ATRNL1: variants seen among roughly 807,000 people sequenced by gnomAD.
ATRNL1 encodes attractin like 1, also known as attractin-like protein 1.
ATRNL1 carries 95 observed loss-of-function variants against 182.7 expected under a neutral mutation model. The ratio of observed to expected loss-of-function variants is 0.52; its 90% CI spans 0.44 to 0.62. The LOEUF (loss-of-function observed/expected upper bound fraction) is 0.62, where lower values mean the gene tolerates loss of function less well. ATRNL1 is among the 20% of genes least tolerant of loss of function. ATRNL1 has a pLI of 0.00. For missense variants in ATRNL1, 1,471 were observed against 1,679.5 expected, an observed-to-expected ratio of 0.88 and a Z score of 2.17; for synonymous variants, 576 against 568.3, an observed-to-expected ratio of 1.01 and a Z score of -0.19.
At chr10:115,186,215 C>G (rs1170523241) in intron 8 of ATRNL1, among the ~76,000 whole-genome samples, 2 of 152,022 alleles carry the variant, frequency 1.3e-5, no homozygotes, top group Non-Finnish European at 2.9e-5. Flanking sequence ...ATGAGAAACA[C>G]TGGCGAGGAT....
Position 115,758,561 on chromosome 10 carries a change from C to T in ATRNL1, c.3903+31206C>T, listed in dbSNP as rs1163264527. ...GAGCTCTCCTGTATGAGGTGTCTGT[C>T]GGCTCCTACTGGGAGGTGTCTCCCA... On this transcript the variant is annotated intron_variant, in intron 27 of 28. Transcript: ENST00000355044. Among the ~76,000 whole-genome samples, 9 of 152,326 alleles carry T rather than the reference C, an allele frequency of 5.9e-5. No homozygotes were observed. In the South Asian group the frequency reaches 1.4e-3, roughly 25 times the overall value.
intron 17 of ATRNL1, among the ~76,000 whole-genome samples, chr10:115,312,824 T>G (rs1232355835): frequency 6.6e-6 from 1 of 152,084 alleles, no homozygotes; most frequent in Non-Finnish European, 1.5e-5. Context: ...TTTCTTTATT[T>G]TTGTTTGATT....
intron 15 of ATRNL1, 66 bp from the exon 16 acceptor site, chr10:115,299,968 G>A (rs80310937): frequency 1.0e-4 from 120 of 1,168,210 alleles, no homozygotes; most frequent in Non-Finnish European, 1.3e-4. Flanking sequence ...TGAACTATTT[G>A]CTAAGGAATA....
intron 10 of ATRNL1, among the ~76,000 whole-genome samples, chr10:115,262,162 A>G (rs574694865): frequency 6.7e-6 from 1 of 150,184 alleles, no homozygotes; most frequent in Non-Finnish European, 1.5e-5. Context: ...TTGGGAAGAT[A>G]GGGGGCAGTG....
At chr10:115,097,838 C>T (rs574084298) in intron 1 of ATRNL1, among the ~76,000 whole-genome samples, 17 of 152,214 alleles carry the variant, frequency 1.1e-4, no homozygotes, top group African/African-American at 3.9e-4. Context: ...GCAGGAGAAT[C>T]GCTTGAACCC....
chr10:115,840,499 A>G (rs548717562), intron 27 of ATRNL1, among the ~76,000 whole-genome samples: 1 of 152,244 alleles, frequency 6.6e-6, no homozygotes, highest in South Asian at 2.1e-4. Context: ...TTTAATCATT[A>G]TAATAACACT....
chr10:115,494,657 T>C (rs1404835880), intron 24 of ATRNL1, among the ~76,000 whole-genome samples: 1 of 152,256 alleles, frequency 6.6e-6, no homozygotes, highest in Non-Finnish European at 1.5e-5. Context: ...GATCTAGGTA[T>C]GTTGAACCAA....
chr10:115,815,415 ATGTGTGTGTG>A (rs367551845), intron 27 of ATRNL1, among the ~76,000 whole-genome samples: 65 of 143,040 alleles, frequency 4.5e-4, no homozygotes, highest in African/African-American at 1.2e-3. Context: ...GTGTGTGTGT[ATGTGTGTGTG>A]TGTGTGTGTG....
At chr10:115,459,068 G>A (rs2134518520) in intron 21 of ATRNL1, among the ~76,000 whole-genome samples, 1 of 152,184 alleles carries the variant, frequency 6.6e-6, no homozygotes, top group South Asian at 2.1e-4. Flanking sequence ...AGATTTCATG[G>A]ACACTTATCA....
chr10:115,136,345 C>T (rs1592150270), intron 5 of ATRNL1, among the ~76,000 whole-genome samples: 1 of 152,242 alleles, frequency 6.6e-6, no homozygotes, highest in African/African-American at 2.4e-5. Context: ...AGAGAATTCC[C>T]ATTTACCTCC....
intron 26 of ATRNL1, among the ~76,000 whole-genome samples, chr10:115,635,504 A>G (rs1480515936): frequency 1.3e-5 from 2 of 152,184 alleles, no homozygotes; most frequent in Non-Finnish European, 2.9e-5. Context: ...AAAGATGTGT[A>G]GCAGTTGAAC....
intron 27 of ATRNL1, among the ~76,000 whole-genome samples, chr10:115,843,297 G>A (rs1181281351): frequency 2.6e-5 from 4 of 152,080 alleles, no homozygotes; most frequent in South Asian, 2.1e-4. Flanking sequence ...GAGGAAGTGA[G>A]CATAGGGGAT....
At chr10:115,395,352 T>C (rs1168190962) in intron 20 of ATRNL1, among the ~76,000 whole-genome samples, 6 of 152,004 alleles carry the variant, frequency 3.9e-5, no homozygotes, top group African/African-American at 1.4e-4. Context: ...GATTTATTTT[T>C]CTTTGAGAAT....
intron 1 of ATRNL1, among the ~76,000 whole-genome samples, chr10:115,105,001 T>C (rs1311440995): frequency 6.6e-6 from 1 of 152,194 alleles, no homozygotes; most frequent in East Asian, 1.9e-4. Context: ...GCTTCCAGTA[T>C]TGCTCTTTTT....
intron 1 of ATRNL1, among the ~76,000 whole-genome samples, chr10:115,117,392 CTCTT>C (rs1554870313): frequency 6.6e-6 from 1 of 152,038 alleles, no homozygotes; most frequent in East Asian, 1.9e-4. Flanking sequence ...TCTTCCTACT[CTCTT>C]TCTCCATGGG....
chr10:115,876,438 A>C, intron 28 of ATRNL1, among the ~76,000 whole-genome samples: 1 of 152,220 alleles, frequency 6.6e-6, no homozygotes, highest in East Asian at 1.9e-4. Context: ...AACAACATGA[A>C]GATACCCACA....
chr10:115,289,269 C>T (rs920302014), intron 15 of ATRNL1, among the ~76,000 whole-genome samples: 10 of 152,170 alleles, frequency 6.6e-5, no homozygotes, highest in Admixed American at 5.2e-4. Context: ...TCCCACAACA[C>T]GTGGTAATTC....
At chr10:115,545,921 G>T (rs140081097) in intron 25 of ATRNL1, among the ~76,000 whole-genome samples, 1 of 152,256 alleles carries the variant, frequency 6.6e-6, no homozygotes, top group East Asian at 1.9e-4. Flanking sequence ...GGAAGAACTT[G>T]CAATTTAATA....
chr10:115,716,044 G>A (rs1555056171), intron 26 of ATRNL1, among the ~76,000 whole-genome samples: 1 of 152,122 alleles, frequency 6.6e-6, no homozygotes, highest in Admixed American at 6.6e-5. Flanking sequence ...ACATCAAACT[G>A]CCCTTCACAT....
Sources: allele counts gnomAD v4.1 joint callset (sites outside exome capture counted in the v4.1 genomes callset), GRCh38; gene constraint gnomAD v4.1.1; transcripts MANE v1.5; gene names NCBI Gene and HGNC (gene_info 2026-07-23, HGNC 2026-07-21).